AGBL1: variants seen among roughly 807,000 people sequenced by gnomAD.
AGBL1 encodes AGBL carboxypeptidase 1.
Under a neutral mutation model 118.9 loss-of-function variants are expected in AGBL1, and 130 were observed. The observed-to-expected ratio is 1.09, with a 90% CI of 0.95 to 1.26. The LOEUF (loss-of-function observed/expected upper bound fraction) is 1.26, where lower values mean the gene tolerates loss of function less well. Ranked by LOEUF, AGBL1 falls within the 50% of genes most tolerant of loss-of-function variation. AGBL1 has a pLI of 0.00. For synonymous variants in AGBL1, 555 were observed against 478.9 expected (o/e 1.16, Z -2.08); for missense variants, 1,584 against 1,298.1 (o/e 1.22, Z -3.38).
intron 22 of AGBL1, among the ~76,000 whole-genome samples, chr15:86,801,896 G>A (rs1028448893): frequency 2.6e-5 from 4 of 152,072 alleles, no homozygotes; most frequent in African/African-American, 7.2e-5. Context: ...AGACTTAAAG[G>A]GAATGGGAGT....
intron 1 of AGBL1, among the ~76,000 whole-genome samples, chr15:86,136,954 T>G (rs2076897715): frequency 6.6e-6 from 1 of 152,174 alleles, no homozygotes; most frequent in Admixed American, 6.5e-5. Flanking sequence ...TTTTATAGGA[T>G]TTTTTTCAAC....
At chr15:86,104,988 C>G (rs1000592634) in intron 1 of AGBL1, 1 of 152,172 alleles carries the variant, frequency 6.6e-6, no homozygotes. Context: ...TGGGGAGCCT[C>G]TCCAGGATCC....
At chr15:86,187,557 A>G (rs971853946) in intron 5 of AGBL1, among the ~76,000 whole-genome samples, 1 of 152,172 alleles carries the variant, frequency 6.6e-6, no homozygotes, top group African/African-American at 2.4e-5. Flanking sequence ...CAATTTTTAC[A>G]CCTTAAAAAC....
chr15:86,221,608 T>G (rs981027120), intron 5 of AGBL1, among the ~76,000 whole-genome samples: 3 of 152,216 alleles, frequency 2.0e-5, no homozygotes, highest in African/African-American at 4.8e-5. Flanking sequence ...CTTGGTGACA[T>G]GCACATGAGC....
intron 1 of AGBL1, among the ~76,000 whole-genome samples, chr15:86,123,492 G>A (rs1397870936): frequency 3.3e-5 from 5 of 152,092 alleles, no homozygotes; most frequent in Admixed American, 2.6e-4. Flanking sequence ...CGCCTGCCTC[G>A]GCCTCTCAAA....
intron 3 of AGBL1, among the ~76,000 whole-genome samples, chr15:86,147,572 T>C (rs1241971623): frequency 6.6e-6 from 1 of 152,210 alleles, no homozygotes; most frequent in African/African-American, 2.4e-5. Flanking sequence ...GTGTCCGCCA[T>C]TGCTGAGGCC....
intron 22 of AGBL1, among the ~76,000 whole-genome samples, chr15:86,817,122 A>G (rs1426767582): frequency 6.6e-6 from 1 of 151,918 alleles, no homozygotes; most frequent in Non-Finnish European, 1.5e-5. Context: ...CTCCATCTCT[A>G]CTATAAAATA....
At chr15:86,898,907 G>A (rs889972653) in intron 22 of AGBL1, among the ~76,000 whole-genome samples, 1 of 152,114 alleles carries the variant, frequency 6.6e-6, no homozygotes, top group Non-Finnish European at 1.5e-5. Context: ...CTAGCATGGT[G>A]GTGGAGAAAA....
At chr15:86,448,960 A>G (rs1479883015) in intron 18 of AGBL1, among the ~76,000 whole-genome samples, 1 of 152,196 alleles carries the variant, frequency 6.6e-6, no homozygotes, top group Non-Finnish European at 1.5e-5. Context: ...TGTGGCGAGT[A>G]TATGAGAAAT....
At chr15:86,642,050 A>T (rs548091467) in intron 21 of AGBL1, among the ~76,000 whole-genome samples, 2 of 152,324 alleles carry the variant, frequency 1.3e-5, no homozygotes, top group African/African-American at 4.8e-5. Context: ...AGTCATACTT[A>T]TAAGCACATT....
At chr15:86,535,748 T>C (rs2083417114) in intron 19 of AGBL1, among the ~76,000 whole-genome samples, 1 of 152,178 alleles carries the variant, frequency 6.6e-6, no homozygotes, top group Non-Finnish European at 1.5e-5. Flanking sequence ...ATGTTTTGGG[T>C]TAATCAGCTT....
chr15:86,951,441 C>CA (rs1224229129), intron 23 of AGBL1, among the ~76,000 whole-genome samples: 2 of 152,008 alleles, frequency 1.3e-5, no homozygotes, highest in African/African-American at 4.8e-5. Context: ...AATGTTGATC[C>CA]AAAAAATATG....
At chr15:86,784,190 C>G (rs60121249) in intron 22 of AGBL1, among the ~76,000 whole-genome samples, 2,163 of 152,220 alleles carry the variant, frequency 0.014, 45 homozygotes, top group African/African-American at 0.049. Context: ...AGAGCTGGCA[C>G]ATCATAAGCT....
intron 22 of AGBL1, among the ~76,000 whole-genome samples, chr15:86,796,261 C>T (rs1200383832): frequency 6.6e-6 from 1 of 152,154 alleles, no homozygotes; most frequent in Non-Finnish European, 1.5e-5. Flanking sequence ...GATGACTAGA[C>T]ATTTGTTCTG....
intron 21 of AGBL1, among the ~76,000 whole-genome samples, chr15:86,624,622 A>T (rs1442272668): frequency 6.6e-6 from 1 of 152,208 alleles, no homozygotes; most frequent in Non-Finnish European, 1.5e-5. Context: ...GTGGAGGAGC[A>T]GTGAGCCTGA....
At chr15:86,830,469 T>C (rs1231852812) in intron 22 of AGBL1, among the ~76,000 whole-genome samples, 1 of 152,182 alleles carries the variant, frequency 6.6e-6, no homozygotes, top group Non-Finnish European at 1.5e-5. Flanking sequence ...GTGGACAGAA[T>C]GACTCATCCA....
At chr15:86,756,198 A>G (rs777600243) in intron 22 of AGBL1, among the ~76,000 whole-genome samples, 27 of 151,988 alleles carry the variant, frequency 1.8e-4, no homozygotes, top group Admixed American at 6.6e-5. Flanking sequence ...AAAACAGCTC[A>G]CAGAAAAAGA....
At chr15:86,940,564 A>C (rs1365460599) in intron 23 of AGBL1, among the ~76,000 whole-genome samples, 1 of 152,190 alleles carries the variant, frequency 6.6e-6, no homozygotes, top group Admixed American at 6.5e-5. Flanking sequence ...TATAGAAGGA[A>C]ATTGTTACAA....
intron 22 of AGBL1, among the ~76,000 whole-genome samples, chr15:86,894,891 T>A (rs537538379): frequency 4.6e-5 from 7 of 152,042 alleles, no homozygotes; most frequent in Non-Finnish European, 8.8e-5. Context: ...TTGGCAGGAG[T>A]GTCAAGGCAG....
Sources: allele counts gnomAD v4.1 joint callset (sites outside exome capture counted in the v4.1 genomes callset), GRCh38; gene constraint gnomAD v4.1.1; transcripts MANE v1.5; gene names NCBI Gene and HGNC (gene_info 2026-07-23, HGNC 2026-07-21).